The following LGR6 variants were observed in gnomAD, a reference collection of about 807,000 sequenced individuals.
The protein encoded by LGR6 is leucine-rich repeat-containing G protein-coupled receptor 6.
A neutral mutation model predicts 69.4 loss-of-function variants in LGR6; 45 were observed. That is an observed-to-expected ratio of 0.65 (90% CI 0.51 to 0.83). The LOEUF (loss-of-function observed/expected upper bound fraction) is 0.83, where lower values mean the gene tolerates loss of function less well. Among genes scored for constraint, LGR6 ranks in the 40% least tolerant of loss-of-function variants. The pLI is 0.00. For synonymous variants in LGR6, 538 were observed against 555.0 expected (o/e 0.97, Z 0.43); for missense variants, 1,108 against 1,246.7 (o/e 0.89, Z 1.68).
intron 16 of LGR6, among the ~76,000 whole-genome samples, chr1:202,311,867 T>TGG (rs972343612): frequency 4.6e-5 from 7 of 151,844 alleles, no homozygotes; most frequent in Admixed American, 2.0e-4. Flanking sequence ...GCAGGCAACC[T>TGG]GGGGGTCTCT....
intron 1 of LGR6, among the ~76,000 whole-genome samples, chr1:202,221,760 T>A (rs1430490738): frequency 6.6e-6 from 1 of 152,170 alleles, no homozygotes; most frequent in African/African-American, 2.4e-5. Flanking sequence ...TTCTTGTACA[T>A]GTCTACAAGT....
rs866747971 is a variant in LGR6 at position 202,318,617 on chromosome 1, G to A, written c.2314G>A (p.Val772Met). The part of the protein sequence containing the change: ...DFEAVWDCAM[V>M]RHVAWLIFAD... ...TGAGGCCGTGTGGGACTGCGCCATG[G>A]TGAGGCACGTGGCCTGGCTCATCTT... The change falls in exon 18 of 18, where the codon GTG becomes ATG. Residue 772 changes from valine (V) to methionine (M), a missense_variant. Physicochemically the swap from Val to Met is conservative, Grantham distance 21. Coordinates refer to ENST00000367278, the MANE Select transcript of LGR6 (RefSeq NM_001017403.2). The A allele has an allele frequency of 3.1e-6, 5 of 1,613,842 alleles. No individual in the cohort carries two copies. Among genetic ancestry groups the A allele is most frequent in the Non-Finnish European group, 3.4e-6 (4 of 1,180,032 alleles).
chr1:202,194,455 G>A, intron 1 of LGR6: 1 of 614,688 alleles, frequency 1.6e-6, no homozygotes, highest in African/African-American at 1.9e-5. Context: ...GGCTGACTAT[G>A]GGAGCCCAGG....
chr1:202,300,755 C>T, intron 7 of LGR6, 94 bp from the exon 8 acceptor site: 2 of 812,220 alleles, frequency 2.5e-6, no homozygotes, highest in South Asian at 3.4e-5. Context: ...TATGGACTGT[C>T]TAGCTTGCTG....
At chr1:202,203,758 C>T (rs1381878177) in intron 1 of LGR6, 13 of 1,593,752 alleles carry the variant, frequency 8.2e-6, no homozygotes, top group South Asian at 1.1e-5. Flanking sequence ...CTAACTGATG[C>T]TCCTAATGCG....
chr1:202,277,250 C>T (rs1665638414), intron 5 of LGR6, among the ~76,000 whole-genome samples: 1 of 152,132 alleles, frequency 6.6e-6, no homozygotes, highest in African/African-American at 2.4e-5. Flanking sequence ...ACATTGCCCC[C>T]ACGCCCCCCG....
chr1:202,309,314 T>C, intron 15 of LGR6, 138 bp downstream of exon 15: 3 of 984,886 alleles, frequency 3.0e-6, no homozygotes, highest in Non-Finnish European at 4.4e-6. Flanking sequence ...AGGGCTCACC[T>C]GACCACCTAC....
chr1:202,280,733 C>G, intron 5 of LGR6, 48 bp from the exon 6 acceptor site: 1 of 1,559,214 alleles, frequency 6.4e-7, no homozygotes, highest in Non-Finnish European at 8.8e-7. Context: ...ATCCCCTGGC[C>G]CCAGTGCCGT....
intron 1 of LGR6, among the ~76,000 whole-genome samples, chr1:202,208,247 T>A (rs1439384710): frequency 6.6e-6 from 1 of 152,196 alleles, no homozygotes; most frequent in Non-Finnish European, 1.5e-5. Context: ...TAGGACGCTG[T>A]CTTTGCCGCC....
chr1:202,282,787 G>A (rs917015810), intron 6 of LGR6, among the ~76,000 whole-genome samples: 2 of 152,224 alleles, frequency 1.3e-5, no homozygotes, highest in Non-Finnish European at 2.9e-5. Context: ...TGCCGCGCAG[G>A]GCATTTGGCT....
intron 1 of LGR6, among the ~76,000 whole-genome samples, chr1:202,215,002 T>TGC (rs1659670723): frequency 6.7e-6 from 1 of 148,756 alleles, no homozygotes; most frequent in South Asian, 2.2e-4. Context: ...TGTGTGTGTG[T>TGC]GTGTGTGTGT....
At chr1:202,258,158 T>A (rs1663935204) in intron 4 of LGR6, among the ~76,000 whole-genome samples, 1 of 152,090 alleles carries the variant, frequency 6.6e-6, no homozygotes, top group Non-Finnish European at 1.5e-5. Flanking sequence ...TATATATTGA[T>A]CTTATATCTT....
intron 9 of LGR6, among the ~76,000 whole-genome samples, chr1:202,302,763 T>C (rs1347445652): frequency 6.6e-6 from 1 of 152,080 alleles, no homozygotes; most frequent in Admixed American, 6.5e-5. Flanking sequence ...GCCAGGCTGG[T>C]CTCGAACTCC....
intron 1 of LGR6, among the ~76,000 whole-genome samples, chr1:202,212,999 A>G (rs1386603093): frequency 6.6e-6 from 1 of 152,164 alleles, no homozygotes; most frequent in Non-Finnish European, 1.5e-5. Context: ...GCACTAATGT[A>G]TAAGGCTCTG....
intron 17 of LGR6, among the ~76,000 whole-genome samples, chr1:202,316,153 A>G (rs1205940407): frequency 1.3e-5 from 2 of 152,234 alleles, no homozygotes; most frequent in East Asian, 3.8e-4. Flanking sequence ...TCGTGTTGCT[A>G]TAACAGAATA....
intron 1 of LGR6, chr1:202,197,166 T>C: frequency 1.9e-6 from 1 of 512,940 alleles, no homozygotes; most frequent in Non-Finnish European, 4.0e-6. Flanking sequence ...AAAAATGACA[T>C]CACATCTCTT....
chr1:202,214,538 C>T (rs1659637503), intron 1 of LGR6, among the ~76,000 whole-genome samples: 1 of 152,080 alleles, frequency 6.6e-6, no homozygotes, highest in African/African-American at 2.4e-5. Context: ...TACGTGCGTG[C>T]AGCTAGGGGC....
At chr1:202,223,911 A>G (rs552522889) in intron 1 of LGR6, among the ~76,000 whole-genome samples, 1 of 146,988 alleles carries the variant, frequency 6.8e-6, no homozygotes, top group East Asian at 2.2e-4. Flanking sequence ...CAGGACCCCG[A>G]GGGAAAGGCA....
chr1:202,288,508 C>T (rs1336144578), intron 6 of LGR6, among the ~76,000 whole-genome samples: 7 of 152,182 alleles, frequency 4.6e-5, no homozygotes, highest in Non-Finnish European at 1.5e-5. Flanking sequence ...AATCTTTATC[C>T]TCTCTGGGCT....
Sources: gnomAD v4.1 joint callset for allele counts (sites outside exome capture counted in the v4.1 genomes callset) on GRCh38, gnomAD v4.1.1 for gene constraint, MANE v1.5 for transcripts, NCBI Gene and HGNC (gene_info 2026-07-23, HGNC 2026-07-21) for gene names.